Variants in SORCS2 observed in about 807,000 individuals in gnomAD.
SORCS2 encodes VPS10 domain-containing receptor SorCS2.
Under a neutral mutation model 141.6 loss-of-function variants are expected in SORCS2, and 100 were observed. That is an observed-to-expected ratio of 0.71 (90% CI 0.60 to 0.83). The LOEUF (loss-of-function observed/expected upper bound fraction) is 0.83. Among genes scored for constraint, SORCS2 ranks in the 40% least tolerant of loss-of-function variants. The probability of loss-of-function intolerance (pLI) is 0.00; values close to 1 mark genes in which losing one functional copy is unlikely to be tolerated. For missense variants in SORCS2, 1,646 were observed against 1,560.2 expected, an observed-to-expected ratio of 1.05 and a Z score of -0.93; for synonymous variants, 789 against 676.9, an observed-to-expected ratio of 1.17 and a Z score of -2.57.
chr4:7,323,730 T>TA (rs1719053772), intron 1 of SORCS2, among the ~76,000 whole-genome samples: 1 of 151,976 alleles, frequency 6.6e-6, no homozygotes, highest in Non-Finnish European at 1.5e-5. Context: ...GGTCCTGGTT[T>TA]GCCACTATCA....
chr4:7,662,304 G>A (rs987945305), intron 6 of SORCS2, among the ~76,000 whole-genome samples: 3 of 147,346 alleles, frequency 2.0e-5, no homozygotes, highest in Non-Finnish European at 3.0e-5. Flanking sequence ...TGATAACCAG[G>A]GCAACAGCTC....
intron 1 of SORCS2, among the ~76,000 whole-genome samples, chr4:7,321,247 A>G (rs1186401886): frequency 6.6e-6 from 1 of 152,150 alleles, no homozygotes; most frequent in Admixed American, 6.5e-5. Context: ...CTCAGGCTCC[A>G]TCCAAGTTGC....
intron 3 of SORCS2, among the ~76,000 whole-genome samples, chr4:7,636,847 G>A (rs1410791369): frequency 1.3e-5 from 2 of 152,112 alleles, no homozygotes; most frequent in Non-Finnish European, 2.9e-5. Context: ...CAGCAGCAAT[G>A]TATCCTCTCT....
intron 3 of SORCS2, among the ~76,000 whole-genome samples, chr4:7,592,657 C>T (rs945796876): frequency 6.6e-6 from 1 of 152,236 alleles, no homozygotes; most frequent in Non-Finnish European, 1.5e-5. Flanking sequence ...CCCCGAATGA[C>T]TGTGTGGAGC....
At chr4:7,472,807 T>G (rs953458234) in intron 2 of SORCS2, among the ~76,000 whole-genome samples, 3 of 152,112 alleles carry the variant, frequency 2.0e-5, no homozygotes, top group African/African-American at 7.2e-5. Flanking sequence ...GCTCCCACTC[T>G]AGAACCTGGT....
At chr4:7,502,780 C>T (rs903175815) in intron 2 of SORCS2, among the ~76,000 whole-genome samples, 4 of 121,286 alleles carry the variant, frequency 3.3e-5, no homozygotes, top group African/African-American at 5.0e-5. Context: ...GACCACTGTG[C>T]GGGGAGCAGG....
chr4:7,352,774 G>T (rs540854214), intron 1 of SORCS2, among the ~76,000 whole-genome samples: 2 of 152,156 alleles, frequency 1.3e-5, no homozygotes, highest in Admixed American at 6.5e-5. Context: ...GGAGGGAGAG[G>T]CTGCATGTCT....
At chr4:7,454,306 T>C (rs1317999275) in intron 2 of SORCS2, among the ~76,000 whole-genome samples, 60 of 49,766 alleles carry the variant, frequency 1.2e-3, no homozygotes, top group Middle Eastern at 0.022. Flanking sequence ...GTGTTGGGGT[T>C]AGGAGCTGTG....
At chr4:7,653,487 C>T (rs1007963226) in intron 4 of SORCS2, among the ~76,000 whole-genome samples, 5 of 152,198 alleles carry the variant, frequency 3.3e-5, no homozygotes, top group East Asian at 1.9e-4. Flanking sequence ...ATGTGATCCG[C>T]CCGCCTCGAC....
At position 7,377,432 on chromosome 4, in the gene SORCS2, G is replaced by A. The variant is rs80298398; in HGVS notation, c.481-18856G>A. On this transcript the variant is annotated intron_variant, in intron 1 of 26. Coordinates refer to ENST00000507866, the MANE Select transcript of SORCS2 (RefSeq NM_020777.3). ...AACACCGCATGAAGCCACATGCCAC[G>A]TTCCCAGCAGGCGCTCAACAGACAT... Among the ~76,000 whole-genome samples, 13 of 152,302 alleles carry A rather than the reference G, an allele frequency of 8.5e-5. No individual in the cohort carries two copies. In the East Asian group the frequency reaches 2.3e-3, roughly 27 times the overall value.
chr4:7,596,855 T>C (rs527711694), intron 3 of SORCS2, among the ~76,000 whole-genome samples: 32 of 152,184 alleles, frequency 2.1e-4, no homozygotes, highest in Admixed American at 7.2e-4. Context: ...GCAGAGGGAC[T>C]TCAGTGGAGA....
At chr4:7,651,021 C>T (rs1332532506) in intron 4 of SORCS2, among the ~76,000 whole-genome samples, 1 of 152,064 alleles carries the variant, frequency 6.6e-6, no homozygotes, top group Non-Finnish European at 1.5e-5. Flanking sequence ...CTGGCAAAAA[C>T]ATAACGCAAA....
At chr4:7,548,560 G>T (rs913855152) in intron 3 of SORCS2, among the ~76,000 whole-genome samples, 4 of 152,206 alleles carry the variant, frequency 2.6e-5, no homozygotes, top group African/African-American at 9.6e-5. Flanking sequence ...CCCAGCACAG[G>T]GAAGTGGCTC....
chr4:7,534,335 C>G (rs1449733220), intron 3 of SORCS2, among the ~76,000 whole-genome samples: 1 of 152,150 alleles, frequency 6.6e-6, no homozygotes, highest in Non-Finnish European at 1.5e-5. Context: ...CAGGTCCCCC[C>G]CCATCAGGGA....
chr4:7,691,507 G>T (rs886255558), intron 11 of SORCS2, among the ~76,000 whole-genome samples: 2 of 152,168 alleles, frequency 1.3e-5, no homozygotes, highest in Non-Finnish European at 2.9e-5. Flanking sequence ...TGGGAAGGGA[G>T]GGGATTGTGA....
At chr4:7,393,157 C>T (rs1381561063) in intron 1 of SORCS2, among the ~76,000 whole-genome samples, 3 of 152,146 alleles carry the variant, frequency 2.0e-5, no homozygotes, top group Non-Finnish European at 4.4e-5. Flanking sequence ...TTGTGGACAG[C>T]AGTAGCTCTT....
intron 5 of SORCS2, among the ~76,000 whole-genome samples, chr4:7,660,876 CA>C (rs1722118244): frequency 6.6e-6 from 1 of 152,136 alleles, no homozygotes; most frequent in Non-Finnish European, 1.5e-5. Flanking sequence ...GAGGCAGCAC[CA>C]GGGGGAGGGC....
chr4:7,531,763 CA>C, intron 3 of SORCS2, 134 bp downstream of exon 3: 2 of 832,164 alleles, frequency 2.4e-6, no homozygotes, highest in Non-Finnish European at 3.8e-6. Context: ...GTTTCCCTCC[CA>C]GCTCTCACTG....
chr4:7,566,726 C>G (rs1428357892), intron 3 of SORCS2, among the ~76,000 whole-genome samples: 1 of 152,270 alleles, frequency 6.6e-6, no homozygotes, highest in African/African-American at 2.4e-5. Context: ...TCACAGCCAA[C>G]TGGCTAGAGC....
Sources: allele counts gnomAD v4.1 joint callset (sites outside exome capture counted in the v4.1 genomes callset), GRCh38; gene constraint gnomAD v4.1.1; transcripts MANE v1.5; gene names NCBI Gene and HGNC (gene_info 2026-07-23, HGNC 2026-07-21).